The following SPMAP2L variants were observed in gnomAD, a reference collection of about 807,000 sequenced individuals.
The protein encoded by SPMAP2L is sperm microtubule associated protein 2 like.
chr4:56,576,550 CAA>C, the SPMAP2L span, among the ~76,000 whole-genome samples: 2 of 152,158 alleles, frequency 1.3e-5, no homozygotes, highest in Admixed American at 6.5e-5. Flanking sequence ...CTCATCCCTG[CAA>C]GTTTTCAAGC....
At chr4:56,530,851 G>C in the SPMAP2L span, 3 of 1,534,910 alleles carry the variant, frequency 2.0e-6, no homozygotes, top group South Asian at 3.6e-5. Flanking sequence ...CGAGAATCCC[G>C]AGGAACCCGA....
At chr4:56,562,777 TTTC>T in the SPMAP2L span, among the ~76,000 whole-genome samples, 4 of 61,180 alleles carry the variant, frequency 6.5e-5, no homozygotes, top group Non-Finnish European at 1.3e-4. Flanking sequence ...TTTGTCATAT[TTTC>T]TTCGTCTTTT....
At chr4:56,553,695 C>G in the SPMAP2L span, among the ~76,000 whole-genome samples, 252 of 149,280 alleles carry the variant, frequency 1.7e-3, 1 homozygote, top group Middle Eastern at 6.8e-3. Flanking sequence ...CTGATTAAAG[C>G]CTATGGTTTA....
chr4:56,575,492 C>G, the SPMAP2L span: 21 of 1,533,364 alleles, frequency 1.4e-5, no homozygotes, highest in Non-Finnish European at 3.5e-6. Flanking sequence ...CTTTTCTCTT[C>G]TACAACTTGC....
the SPMAP2L span, among the ~76,000 whole-genome samples, chr4:56,543,318 C>G: frequency 6.6e-6 from 1 of 152,078 alleles, no homozygotes; most frequent in Non-Finnish European, 1.5e-5. Flanking sequence ...CTCCTGCCCT[C>G]GTGATCTGCC....
the SPMAP2L span, chr4:56,531,264 C>G: frequency 7.1e-7 from 1 of 1,414,566 alleles, no homozygotes; most frequent in Admixed American, 2.8e-5. Context: ...AACCGGGGGT[C>G]CTAAGGTGGA....
chr4:56,615,036 T>G, the SPMAP2L span, among the ~76,000 whole-genome samples: 1 of 152,236 alleles, frequency 6.6e-6, no homozygotes, highest in African/African-American at 2.4e-5. Flanking sequence ...TACATCCTTA[T>G]GCTATTTGAG....
At chr4:56,568,270 GTCTGTT>G in the SPMAP2L span, among the ~76,000 whole-genome samples, 1 of 151,992 alleles carries the variant, frequency 6.6e-6, no homozygotes, top group African/African-American at 2.4e-5. Context: ...TCATTTCTGA[GTCTGTT>G]TCTAATGATT....
chr4:56,559,347 G>A, the SPMAP2L span: 17 of 1,213,326 alleles, frequency 1.4e-5, no homozygotes, highest in African/African-American at 2.8e-5. Context: ...ATTTTCACTA[G>A]CAATCAATTT....
At chr4:56,597,019 T>A in the SPMAP2L span, among the ~76,000 whole-genome samples, 1 of 152,208 alleles carries the variant, frequency 6.6e-6, no homozygotes, top group African/African-American at 2.4e-5. Context: ...CAATAGATAA[T>A]GTCAGATCAT....
At chr4:56,599,258 T>C in the SPMAP2L span, among the ~76,000 whole-genome samples, 1 of 152,090 alleles carries the variant, frequency 6.6e-6, no homozygotes, top group African/African-American at 2.4e-5. Flanking sequence ...TCACAGCTTA[T>C]TGTAGCCTCA....
At chr4:56,598,720 G>T in the SPMAP2L span, among the ~76,000 whole-genome samples, 3,570 of 151,962 alleles carry the variant, frequency 0.023, 65 homozygotes, top group Non-Finnish European at 0.032. Context: ...GGTCAGAGGG[G>T]TGGGGCAGAA....
chr4:56,566,695 C>CTTTTTTT, the SPMAP2L span, among the ~76,000 whole-genome samples: 1,454 of 92,214 alleles, frequency 0.016, 1 homozygote, highest in Middle Eastern at 0.03. Context: ...TTTTCTTTTT[C>CTTTTTTT]TTTTTTTTTT....
chr4:56,588,635 G>A, the SPMAP2L span, among the ~76,000 whole-genome samples: 7 of 151,944 alleles, frequency 4.6e-5, no homozygotes, highest in Non-Finnish European at 8.8e-5. Flanking sequence ...TTCTCTATAC[G>A]GGTTAGGCTG....
chr4:56,620,648 G>A, the SPMAP2L span, among the ~76,000 whole-genome samples: 1 of 152,218 alleles, frequency 6.6e-6, no homozygotes, highest in African/African-American at 2.4e-5. Context: ...GCCTCCCAAA[G>A]TGCTGGGATT....
At chr4:56,603,510 CT>C in the SPMAP2L span, 3 of 463,500 alleles carry the variant, frequency 6.5e-6, no homozygotes, top group African/African-American at 5.8e-5. Flanking sequence ...GTCGCTGAAT[CT>C]TTAGCAGATT....
the SPMAP2L span, among the ~76,000 whole-genome samples, chr4:56,607,498 A>G: frequency 6.6e-6 from 1 of 152,230 alleles, no homozygotes; most frequent in South Asian, 2.1e-4. Context: ...ACAAATACCT[A>G]AAAATGTAAA....
At chr4:56,595,032 G>A in the SPMAP2L span, 62 of 1,605,220 alleles carry the variant, frequency 3.9e-5, no homozygotes, top group Non-Finnish European at 5.1e-5. Context: ...AGCGGAATGA[G>A]GATGCCTGTC....
the SPMAP2L span, chr4:56,552,462 T>C: frequency 2.2e-5 from 15 of 672,598 alleles, no homozygotes; most frequent in East Asian, 4.2e-4. Context: ...TAGTTCTTTT[T>C]TTTCCCCCCT....
Sources: allele counts gnomAD v4.1 joint callset (sites outside exome capture counted in the v4.1 genomes callset), GRCh38; gene constraint gnomAD v4.1.1; transcripts MANE v1.5; gene names NCBI Gene and HGNC (gene_info 2026-07-23, HGNC 2026-07-21).